ADGRL3: variants seen among roughly 807,000 people sequenced by gnomAD.
The protein encoded by ADGRL3 is calcium-independent alpha-latrotoxin receptor 3.
ADGRL3 carries 62 observed loss-of-function variants against 153.5 expected under a neutral mutation model. The ratio of observed to expected loss-of-function variants is 0.40; its 90% CI spans 0.33 to 0.50. ADGRL3 has a LOEUF of 0.50. ADGRL3 is among the 20% of genes least tolerant of loss of function. ADGRL3 has a pLI of 0.47. For missense variants in ADGRL3, 1,641 were observed against 1,859.4 expected (o/e 0.88, Z 2.16); for synonymous variants, 710 against 672.5 (o/e 1.06, Z -0.86).
intron 8 of ADGRL3, among the ~76,000 whole-genome samples, chr4:61,752,438 G>C (rs1217121162): frequency 1.3e-5 from 2 of 152,154 alleles, no homozygotes. Context: ...AAAGGGGTAT[G>C]AGTTAAAAGC....
At chr4:61,340,270 T>G (rs998290031) in intron 1 of ADGRL3, among the ~76,000 whole-genome samples, 1 of 152,184 alleles carries the variant, frequency 6.6e-6, no homozygotes, top group African/African-American at 2.4e-5. Flanking sequence ...ATCCTCATTT[T>G]AAAGCCCAGT....
Position 61,591,651 on chromosome 4 carries a change from T to A in ADGRL3, c.473+4211T>A, listed in dbSNP as rs528000821. On this transcript the variant is annotated intron_variant, in intron 5 of 26. Coordinates refer to ENST00000683033, the MANE Select transcript of ADGRL3 (RefSeq NM_001387552.1). Reference sequence around the variant, plus strand: ...ACATTTAAAAATATTTCTTTTGAGTTTTCTATCAAGTATAGGTGTTAAATG... The same window carrying A: ...ACATTTAAAAATATTTCTTTTGAGTATTCTATCAAGTATAGGTGTTAAATG... 1.2e-4 allele frequency among the ~76,000 whole-genome samples: 19 copies of A among 152,230 alleles called. No individual in the cohort carries two copies. In the East Asian group the frequency reaches 3.7e-3, roughly 29 times the overall value.
At chr4:61,960,750 G>A (rs1178925145) in intron 17 of ADGRL3, among the ~76,000 whole-genome samples, 7 of 151,906 alleles carry the variant, frequency 4.6e-5, no homozygotes, top group East Asian at 3.9e-4. Context: ...TGACTCTGTC[G>A]CCCAGGCTGG....
chr4:61,962,333 A>G (rs538575296), intron 17 of ADGRL3, among the ~76,000 whole-genome samples: 2 of 152,316 alleles, frequency 1.3e-5, no homozygotes, highest in African/African-American at 4.8e-5. Flanking sequence ...TATTGTTAAC[A>G]CAAACAAGAT....
chr4:61,760,704 G>T (rs1300238731), intron 8 of ADGRL3, among the ~76,000 whole-genome samples: 1 of 152,170 alleles, frequency 6.6e-6, no homozygotes, highest in Admixed American at 6.5e-5. Flanking sequence ...GATGAGCCTG[G>T]TACCTCAGTT....
At chr4:61,412,655 G>T (rs919179965) in intron 2 of ADGRL3, among the ~76,000 whole-genome samples, 5 of 152,090 alleles carry the variant, frequency 3.3e-5, no homozygotes, top group South Asian at 2.1e-4. Flanking sequence ...CAGTGCTATT[G>T]CTGTATCCTA....
intron 15 of ADGRL3, 73 bp downstream of exon 15, chr4:61,936,118 A>G (rs1456117979): frequency 1.0e-5 from 16 of 1,535,274 alleles, no homozygotes; most frequent in African/African-American, 2.7e-5. Flanking sequence ...GGCCGGGAAT[A>G]TTAGGTCCAC....
intron 6 of ADGRL3, among the ~76,000 whole-genome samples, chr4:61,726,210 G>GTTTTTTTTTTTTTTTTCTTTTTT (rs149472429): frequency 8.4e-6 from 1 of 118,480 alleles, no homozygotes; most frequent in Non-Finnish European, 1.7e-5. Context: ...TTTTTTTTTT[G>GTTTTTTTTTTTTTTTTCTTTTTT]TTTTTTGAGA....
At chr4:61,741,902 A>G (rs2096584767) in intron 8 of ADGRL3, among the ~76,000 whole-genome samples, 2 of 152,242 alleles carry the variant, frequency 1.3e-5, no homozygotes, top group South Asian at 4.1e-4. Context: ...TTAGACATGA[A>G]ATCAAAATCA....
chr4:61,211,193 G>A (rs1350407301), intron 1 of ADGRL3, among the ~76,000 whole-genome samples: 1 of 152,134 alleles, frequency 6.6e-6, no homozygotes, highest in Non-Finnish European at 1.5e-5. Context: ...CTGCTGAGCT[G>A]ATTAATTTAT....
At chr4:61,719,707 T>C (rs1242723011) in intron 6 of ADGRL3, among the ~76,000 whole-genome samples, 1 of 151,468 alleles carries the variant, frequency 6.6e-6, no homozygotes, top group Non-Finnish European at 1.5e-5. Flanking sequence ...ATTCAAGTGA[T>C]TCTCCTGCCT....
chr4:61,780,715 A>G (rs2097204125), intron 8 of ADGRL3, among the ~76,000 whole-genome samples: 1 of 152,170 alleles, frequency 6.6e-6, no homozygotes, highest in South Asian at 2.1e-4. Context: ...TGTGAGACCA[A>G]TCCCTCTTTC....
At chr4:61,328,886 A>G (rs2095516522) in intron 1 of ADGRL3, among the ~76,000 whole-genome samples, 1 of 152,092 alleles carries the variant, frequency 6.6e-6, no homozygotes, top group Non-Finnish European at 1.5e-5. Flanking sequence ...ATTGATCTCC[A>G]TTCAATAGTG....
Position 61,621,738 on chromosome 4 carries a change from G to A in ADGRL3, c.473+34298G>A, listed in dbSNP as rs574698108. ...TACTTGTGGTCGTCAAGATAGCAGC[G>A]CTAATTAATTGAATAAAACAAGGAC... is the stretch of plus-strand genomic sequence containing the variant. On this transcript the variant is annotated intron_variant, in intron 5 of 26. Coordinates refer to ENST00000683033, the MANE Select transcript of ADGRL3 (RefSeq NM_001387552.1). Among the ~76,000 whole-genome samples, 38 of 151,858 alleles carry A rather than the reference G, an allele frequency of 2.5e-4. No homozygotes were observed. The East Asian group carries it at 2.7e-3, about 11-fold the overall frequency.
intron 2 of ADGRL3, among the ~76,000 whole-genome samples, chr4:61,479,596 A>G (rs2098110205): frequency 6.6e-6 from 1 of 152,132 alleles, no homozygotes; most frequent in South Asian, 2.1e-4. Context: ...ATTACCAGAA[A>G]CTATTTGCAG....
At chr4:61,505,402 A>G (rs1444477991) in intron 3 of ADGRL3, among the ~76,000 whole-genome samples, 1 of 152,098 alleles carries the variant, frequency 6.6e-6, no homozygotes, top group Non-Finnish European at 1.5e-5. Flanking sequence ...TATTATGACT[A>G]TAAAAATTAA....
At chr4:61,787,300 T>C (rs1279193901) in intron 8 of ADGRL3, among the ~76,000 whole-genome samples, 1 of 152,048 alleles carries the variant, frequency 6.6e-6, no homozygotes, top group East Asian at 1.9e-4. Context: ...TTTTCAACTA[T>C]CCTCACGTTA....
intron 2 of ADGRL3, among the ~76,000 whole-genome samples, chr4:61,486,541 C>T (rs2098196594): frequency 6.6e-6 from 1 of 152,088 alleles, no homozygotes; most frequent in Non-Finnish European, 1.5e-5. Context: ...ATACGTTGAC[C>T]TATCATATAC....
intron 4 of ADGRL3, among the ~76,000 whole-genome samples, chr4:61,576,017 A>G (rs962618009): frequency 6.6e-6 from 1 of 152,008 alleles, no homozygotes; most frequent in Admixed American, 6.6e-5. Flanking sequence ...TTTCCAACAT[A>G]TAATCCTTGG....
Sources: gnomAD v4.1 joint callset for allele counts (sites outside exome capture counted in the v4.1 genomes callset) on GRCh38, gnomAD v4.1.1 for gene constraint, MANE v1.5 for transcripts, NCBI Gene and HGNC (gene_info 2026-07-23, HGNC 2026-07-21) for gene names.